ANKRD17: variants seen among roughly 807,000 people sequenced by gnomAD.
ANKRD17 encodes ankyrin repeat domain 17, also known as ankyrin repeat domain-containing protein 17.
In ANKRD17, 19 loss-of-function variants were observed where a neutral mutation model predicts 229.7. That is an observed-to-expected ratio of 0.08 (90% CI 0.06 to 0.12). The LOEUF is 0.12. Among genes scored for constraint, ANKRD17 ranks in the 10% least tolerant of loss-of-function variants. The pLI is 1.00. For synonymous variants in ANKRD17, 1,112 were observed against 1,146.1 expected, an observed-to-expected ratio of 0.97 and a Z score of 0.60; for missense variants, 2,176 against 3,176.8, an observed-to-expected ratio of 0.68 and a Z score of 7.57.
intron 8 of ANKRD17, 22 bp downstream of exon 8, chr4:73,148,791 G>A: frequency 6.3e-7 from 1 of 1,587,422 alleles, no homozygotes; most frequent in Non-Finnish European, 8.6e-7. Flanking sequence ...TTATACTTTA[G>A]TGTCTTGATA....
intron 30 of ANKRD17, among the ~76,000 whole-genome samples, chr4:73,080,105 TC>T (rs1179936152): frequency 6.6e-6 from 1 of 151,500 alleles, no homozygotes; most frequent in African/African-American, 2.4e-5. Context: ...GATGACTCCA[TC>T]CCCCCTCCCC....
chr4:73,090,625 T>C, intron 29 of ANKRD17, 42 bp downstream of exon 29: 1 of 1,609,898 alleles, frequency 6.2e-7, no homozygotes, highest in Non-Finnish European at 8.5e-7. Flanking sequence ...ACATCACTTG[T>C]GCAAATGAAC....
At chr4:73,255,812 C>T (rs546610333) in intron 1 of ANKRD17, among the ~76,000 whole-genome samples, 1 of 152,210 alleles carries the variant, frequency 6.6e-6, no homozygotes, top group African/African-American at 2.4e-5. Context: ...CAACCTCCAC[C>T]TCCCGGGTTC....
At chr4:73,121,557 T>C in intron 19 of ANKRD17, 60 bp downstream of exon 19, 3 of 1,598,072 alleles carry the variant, frequency 1.9e-6, no homozygotes, top group Non-Finnish European at 2.6e-6. Flanking sequence ...ATAGGTGTTC[T>C]ACAAATATCT....
rs1464504590 is a variant in ANKRD17, at chr4:73,147,229, A to G, written c.1759+12T>C. On this transcript the variant is annotated intron_variant, in intron 9 of 33. Transcript: ENST00000358602. Reference sequence around the variant, plus strand: ...CATGTAAAAAACTTCTCCCAAATGCAAAAATGCCTACCTGCAGCTAATAAG... The same window carrying G: ...CATGTAAAAAACTTCTCCCAAATGCGAAAATGCCTACCTGCAGCTAATAAG... The G allele has an allele frequency of 1.3e-6, 2 of 1,523,560 alleles. No homozygotes were observed. The highest frequency in any genetic ancestry group is 2.8e-5 in the African/African-American group (2 of 71,036). 94.4% of individuals were successfully genotyped at this position (1,523,560 alleles called of 1,614,324 possible). A position where few individuals can be genotyped will look rare whatever the true frequency, so the allele number is the denominator to read the frequency against.
intron 1 of ANKRD17, among the ~76,000 whole-genome samples, chr4:73,181,863 C>T (rs1344749689): frequency 1.3e-5 from 2 of 151,478 alleles, no homozygotes; most frequent in African/African-American, 4.9e-5. Context: ...GCCTGGCCAA[C>T]ATGGTGAAAC....
intron 1 of ANKRD17, among the ~76,000 whole-genome samples, chr4:73,219,187 A>C (rs901143565): frequency 5.3e-5 from 8 of 152,208 alleles, no homozygotes; most frequent in Non-Finnish European, 7.3e-5. Context: ...CTTTTCAGTC[A>C]CTAGACCAAT....
chr4:73,222,936 G>C, intron 1 of ANKRD17: 1 of 1,445,998 alleles, frequency 6.9e-7, no homozygotes. Context: ...TCTTTGTTCA[G>C]ATTTCAACTT....
rs776385661 is a variant in ANKRD17 at position 73,120,938 on chromosome 4, T to C, written c.3792A>G (p.Arg1264=). The part of the protein sequence containing the change: ...TALTLACFQG[R]TEVVSLLLDR... ...CAAGCAGAAGACTAACCACTTCAGTTCTTCCTTGGAAGCAGGCTAAAGTAA... is the reference window on the plus strand; with the variant it reads ...CAAGCAGAAGACTAACCACTTCAGTCCTTCCTTGGAAGCAGGCTAAAGTAA... Residue 1264 remains arginine (R), a synonymous_variant, in exon 20 of 34, where the codon AGA becomes AGG. Transcript: ENST00000358602. 2.5e-6 allele frequency: 4 copies of C among 1,613,744 alleles called. No individual in the cohort carries two copies. In the South Asian group the frequency reaches 3.3e-5, roughly 13 times the overall value.
At chr4:73,232,282 T>C (rs1743117608) in intron 1 of ANKRD17, among the ~76,000 whole-genome samples, 1 of 152,192 alleles carries the variant, frequency 6.6e-6, no homozygotes, top group Non-Finnish European at 1.5e-5. Flanking sequence ...CCAGTAGTTG[T>C]AGCTCTCCTT....
At chr4:73,183,260 G>A (rs1418017952) in intron 1 of ANKRD17, among the ~76,000 whole-genome samples, 1 of 152,114 alleles carries the variant, frequency 6.6e-6, no homozygotes, top group Non-Finnish European at 1.5e-5. Context: ...ATCTGAATGT[G>A]AACTGGGTAT....
At chr4:73,083,271 T>A (rs1395559166) in intron 30 of ANKRD17, among the ~76,000 whole-genome samples, 1 of 152,234 alleles carries the variant, frequency 6.6e-6, no homozygotes, top group Non-Finnish European at 1.5e-5. Flanking sequence ...ATTGAAGATA[T>A]CTGAATATGG....
intron 1 of ANKRD17, among the ~76,000 whole-genome samples, chr4:73,198,547 A>G (rs1738205580): frequency 6.6e-6 from 1 of 152,154 alleles, no homozygotes; most frequent in Non-Finnish European, 1.5e-5. Context: ...TCCAAAACCC[A>G]TAATTTTGTA....
intron 1 of ANKRD17, among the ~76,000 whole-genome samples, chr4:73,201,549 A>G (rs925574857): frequency 6.6e-6 from 1 of 152,188 alleles, no homozygotes; most frequent in African/African-American, 2.4e-5. Context: ...AAATGTGTAT[A>G]TATCTGTATT....
intron 29 of ANKRD17, among the ~76,000 whole-genome samples, chr4:73,090,339 G>A (rs1046107395): frequency 6.6e-6 from 1 of 152,194 alleles, no homozygotes; most frequent in African/African-American, 2.4e-5. Context: ...GAATCTGGGA[G>A]GCAGAGGTTG....
rs187684844 is a variant in ANKRD17 at position 73,256,672 on chromosome 4, A to G, written c.393+1604T>C. Among the ~76,000 whole-genome samples the G allele has an allele frequency of 5.3e-5, 8 of 152,338 alleles. No individual in the cohort carries two copies. In the South Asian group the frequency reaches 1.2e-3, roughly 24 times the overall value. On this transcript the variant is annotated intron_variant, in intron 1 of 33. Coordinates refer to ENST00000358602, the MANE Select transcript of ANKRD17 (RefSeq NM_032217.5). ...TCTCACCTTTGAGAAGAATCATACAATTGAATGATTCTAAGTACCATAACA... is the reference window on the plus strand; with the variant it reads ...TCTCACCTTTGAGAAGAATCATACAGTTGAATGATTCTAAGTACCATAACA...
At chr4:73,194,139 T>C (rs1737519009) in intron 1 of ANKRD17, among the ~76,000 whole-genome samples, 1 of 152,150 alleles carries the variant, frequency 6.6e-6, no homozygotes, top group South Asian at 2.1e-4. Context: ...TTATCGGGGG[T>C]TATTTTATGT....
intron 1 of ANKRD17, among the ~76,000 whole-genome samples, chr4:73,244,208 T>A (rs940512061): frequency 1.3e-5 from 2 of 152,160 alleles, no homozygotes. Flanking sequence ...AAAGGACTTA[T>A]CTCCAAGTAC....
At chr4:73,244,406 T>C (rs1744306672) in intron 1 of ANKRD17, among the ~76,000 whole-genome samples, 1 of 152,126 alleles carries the variant, frequency 6.6e-6, no homozygotes, top group Non-Finnish European at 1.5e-5. Flanking sequence ...ATTCTACATA[T>C]GCACTCTCCA....
Sources: allele counts gnomAD v4.1 joint callset (sites outside exome capture counted in the v4.1 genomes callset), GRCh38; gene constraint gnomAD v4.1.1; transcripts MANE v1.5; gene names NCBI Gene and HGNC (gene_info 2026-07-23, HGNC 2026-07-21).